PHYH: variants seen among roughly 807,000 people sequenced by gnomAD.
PHYH encodes the protein phytanoyl-CoA dioxygenase, peroxisomal.
Under a neutral mutation model 38.5 loss-of-function variants are expected in PHYH, and 32 were observed. The ratio of observed to expected loss-of-function variants is 0.83; its 90% CI spans 0.63 to 1.12. PHYH has a LOEUF of 1.12. PHYH is among the 50% of genes most tolerant of loss of function. The pLI, the probability that PHYH is intolerant of heterozygous loss-of-function variation, is 0.00. For missense variants in PHYH, 426 were observed against 434.8 expected (o/e 0.98, Z 0.18); for synonymous variants, 166 against 157.9 (o/e 1.05, Z -0.38).
chr10:13,290,945 A>C (rs1051334953), intron 5 of PHYH, among the ~76,000 whole-genome samples: 3 of 152,142 alleles, frequency 2.0e-5, no homozygotes, highest in Middle Eastern at 6.8e-3. Context: ...AAAAGTACAA[A>C]AATTAGCCAG....
chr10:13,287,886 A>G (rs975982885), intron 6 of PHYH, among the ~76,000 whole-genome samples: 1 of 152,178 alleles, frequency 6.6e-6, no homozygotes, highest in Non-Finnish European at 1.5e-5. Flanking sequence ...CTGGCTTTCA[A>G]ACACGTGTTA....
intron 4 of PHYH, among the ~76,000 whole-genome samples, chr10:13,293,022 A>G (rs925798822): frequency 5.3e-5 from 8 of 152,138 alleles, no homozygotes; most frequent in African/African-American, 1.9e-4. Flanking sequence ...GACTCCAAAA[A>G]ATAAGCCACC....
chr10:13,294,727 G>A, intron 3 of PHYH, 131 bp from the exon 4 acceptor site: 1 of 727,384 alleles, frequency 1.4e-6, no homozygotes, highest in Admixed American at 2.1e-5. Context: ...GCTTGAGGTA[G>A]AATAATTCCA....
intron 3 of PHYH, chr10:13,295,048 C>A (rs1835808417): frequency 3.4e-6 from 1 of 291,692 alleles, no homozygotes; most frequent in Non-Finnish European, 6.5e-6. Flanking sequence ...AGTGGTGGAG[C>A]TGAGACTGAA....
rs3839911 is a variant in PHYH at position 13,277,895 on chromosome 10, GA to G, written c.*405del. 163 of 296,390 alleles carry G rather than the reference GA, an allele frequency of 5.5e-4. 3 individuals carry two copies. In the East Asian group the frequency reaches 8.4e-3, roughly 15 times the overall value. 18.4% of individuals were successfully genotyped at this position (296,390 alleles called of 1,614,324 possible). ...ATTATACATTGTTCTAGATTTGGGG[GA>G]AAAAAATCTCTTATGACATAAAATT... On this transcript the variant is annotated 3_prime_UTR_variant, in exon 9 of 9. Transcript: ENST00000263038.
In PHYH at chr10:13,278,122, C is replaced by A; in HGVS notation, c.*179G>T. 3 of 577,874 alleles carry A rather than the reference C, an allele frequency of 5.2e-6. No homozygotes were observed. The highest frequency in any genetic ancestry group is 3.0e-5 in the East Asian group (1 of 32,840). 35.8% of individuals were successfully genotyped at this position (577,874 alleles called of 1,614,324 possible). The stretch of plus-strand genomic sequence containing the variant: ...ATTTCACTTTTACTGTTTTTTTTTT[C>A]CATTAAAGCAACACCATTGTGCTGC... On this transcript the variant is annotated 3_prime_UTR_variant, in exon 9 of 9. Coordinates refer to ENST00000263038, the MANE Select transcript of PHYH (RefSeq NM_006214.4).
intron 4 of PHYH, among the ~76,000 whole-genome samples, chr10:13,294,138 G>T (rs2131650321): frequency 6.6e-6 from 1 of 152,242 alleles, no homozygotes; most frequent in African/African-American, 2.4e-5. Flanking sequence ...GGAGGAAGAG[G>T]TTGCAGTGAG....
chr10:13,283,731 T>C lies in PHYH; in HGVS notation c.787A>G (p.Ile263Val). 2.5e-6 allele frequency: 4 copies of C among 1,614,146 alleles called. No individual in the cohort carries two copies. Among genetic ancestry groups the C allele is most frequent in the Non-Finnish European group, 3.4e-6 (4 of 1,180,014 alleles). The change falls in exon 7 of 9, where the codon ATC (isoleucine) becomes GTC (valine). Residue 263 changes from isoleucine (I) to valine (V), a missense_variant. Ile to Val is a conservative substitution (Grantham distance 29). Coordinates refer to ENST00000263038, the MANE Select transcript of PHYH (RefSeq NM_006214.4). ...GDTVFFHPLL[I>V]HGSGQNKTQG... ...GTTTTATTCTGACCAGATCCGTGGA[T>C]GAGCAAAGGATGGAAGAAAACAGTG...
intron 7 of PHYH, among the ~76,000 whole-genome samples, chr10:13,283,284 C>A (rs1835461444): frequency 6.6e-6 from 1 of 152,026 alleles, no homozygotes; most frequent in Admixed American, 6.6e-5. Flanking sequence ...CGCCCGCCAC[C>A]TCGCCCAGCT....
At chr10:13,293,392 C>T (rs1260182436) in intron 4 of PHYH, among the ~76,000 whole-genome samples, 1 of 152,066 alleles carries the variant, frequency 6.6e-6, no homozygotes, top group Admixed American at 6.6e-5. Context: ...ACCTCTGCCT[C>T]CCGGGTTTAA....
Position 13,294,510 on chromosome 10 carries a change from T to A in PHYH, c.332A>T (p.Tyr111Phe). 6.2e-7 allele frequency: 1 copy of A among 1,613,992 alleles called. No individual in the cohort carries two copies. Among genetic ancestry groups the A allele is most frequent in the Non-Finnish European group, 8.5e-7 (1 of 1,179,820 alleles). Residue 111 changes from tyrosine to phenylalanine, a missense_variant, in exon 4 of 9, where the codon TAT becomes TTT. By Grantham distance (22) the Tyr-to-Phe change is conservative (BLOSUM62 3). Coordinates refer to ENST00000263038, the MANE Select transcript of PHYH (RefSeq NM_006214.4). ...CGTGATCATCTTCTCACTTGGAGCA[T>A]ATTCGGATTTCGAAATGGTCACATC... Reference protein sequence around the residue: ...MRDVTISKSEYAPSEKMITKV... With the variant: ...MRDVTISKSEFAPSEKMITKV...
chr10:13,294,187 G>T (rs1216301603), intron 4 of PHYH, among the ~76,000 whole-genome samples: 3 of 152,128 alleles, frequency 2.0e-5, no homozygotes, highest in Non-Finnish European at 4.4e-5. Context: ...GGGCAACAGA[G>T]CGAGACTCTG....
chr10:13,288,577 G>A (rs1348283340), intron 5 of PHYH, 36 bp from the exon 6 acceptor site: 1 of 1,603,432 alleles, frequency 6.2e-7, no homozygotes, highest in Admixed American at 1.7e-5. Flanking sequence ...GATACTCGAG[G>A]CCGAGTGCAG....
intron 6 of PHYH, among the ~76,000 whole-genome samples, chr10:13,285,228 G>C (rs1412104592): frequency 6.6e-6 from 1 of 152,022 alleles, no homozygotes; most frequent in Non-Finnish European, 1.5e-5. Context: ...CTGTCGCCCA[G>C]GCTGGAGTGC....
chr10:13,292,443 G>A (rs1835735219), intron 4 of PHYH, among the ~76,000 whole-genome samples: 1 of 152,216 alleles, frequency 6.6e-6, no homozygotes, highest in Non-Finnish European at 1.5e-5. Flanking sequence ...AAGCAAAGCA[G>A]GTCCCAGGAG....
intron 1 of PHYH, chr10:13,299,493 G>A (rs3802587): frequency 0.042 from 42,491 of 1,003,750 alleles, 1,054 homozygotes; most frequent in East Asian, 0.085. Context: ...AGGCCGCCCT[G>A]GGCAGCGCCT....
In PHYH at chr10:13,295,535, AT is replaced by A; in HGVS notation, c.205del (p.Ile69SerfsTer25). The A allele has an allele frequency of 6.4e-7, 1 of 1,566,336 alleles. No individual in the cohort carries two copies. Among genetic ancestry groups the A allele is most frequent in the Non-Finnish European group, 8.8e-7 (1 of 1,136,456 alleles). Reference sequence around the variant, plus strand: ...ATCGGCATCAGGTACAAGATTTTTGATTACTAGAAACCCATTTTCTTCATAA... The same window carrying A: ...ATCGGCATCAGGTACAAGATTTTTGATACTAGAAACCCATTTTCTTCATAA... ...KFYEENGFLV[I>X]KNLVPDADIQ... On this transcript the variant is annotated frameshift_variant, in exon 3 of 9. Transcript: ENST00000263038. LOFTEE classifies it high-confidence loss of function.
chr10:13,298,241 G>A lies in PHYH; in HGVS notation c.80C>T (p.Ala27Val). The change falls in exon 2 of 9, where the codon GCT becomes GTT. Residue 27 changes from alanine (A) to valine (V), a missense_variant. Transcript: ENST00000263038. ...LGRPSAGAVV[A>V]HPTSGTISSA... ...GGAAATAGTCCCTGAAGTGGGATGAGCTACCTAGGATGTGAATTAAGGCAA... is the reference window on the plus strand; with the variant it reads ...GGAAATAGTCCCTGAAGTGGGATGAACTACCTAGGATGTGAATTAAGGCAA... The A allele has an allele frequency of 6.3e-7, 1 of 1,594,780 alleles. No homozygotes were observed. Among genetic ancestry groups the A allele is most frequent in the Non-Finnish European group, 8.6e-7 (1 of 1,162,472 alleles).
rs1213988827 is a variant in PHYH, at chr10:13,288,286, CT to C, written c.678+73del. On this transcript the variant is annotated intron_variant, in intron 6 of 8. Coordinates refer to ENST00000263038, the MANE Select transcript of PHYH (RefSeq NM_006214.4). The stretch of plus-strand genomic sequence containing the variant: ...GGAAATGCCATCTCATTTGTAAACT[CT>C]TTAGAGGTACTGATGTGAAACAGAA... 4 of 1,305,628 alleles carry C rather than the reference CT, an allele frequency of 3.1e-6. No individual in the cohort carries two copies. The Admixed American group carries it at 5.0e-5, about 16-fold the overall frequency. 80.9% of individuals were successfully genotyped at this position (1,305,628 alleles called of 1,614,324 possible).
Sources: gnomAD v4.1 joint callset for allele counts (sites outside exome capture counted in the v4.1 genomes callset) on GRCh38, gnomAD v4.1.1 for gene constraint, MANE v1.5 for transcripts, NCBI Gene and HGNC (gene_info 2026-07-23, HGNC 2026-07-21) for gene names.